PACS2: variants seen among roughly 807,000 people sequenced by gnomAD.
PACS2 encodes phosphofurin acidic cluster sorting protein 2.
A neutral mutation model predicts 113.0 loss-of-function variants in PACS2; 36 were observed. That is an observed-to-expected ratio of 0.32 (90% confidence interval 0.24 to 0.42). PACS2 has a LOEUF of 0.42. Among genes scored for constraint, PACS2 ranks in the 10% least tolerant of loss-of-function variants. PACS2 has a pLI of 1.00. For synonymous variants in PACS2, 589 were observed against 536.1 expected (o/e 1.10, Z -1.36); for missense variants, 1,015 against 1,239.5 (o/e 0.82, Z 2.72).
Position 105,340,898 on chromosome 14 carries a change from C to G in PACS2, c.120-7595C>G, listed in dbSNP as rs1341812404. Among the ~76,000 whole-genome samples, 1 of 152,246 alleles carries G rather than the reference C, an allele frequency of 6.6e-6. No individual in the cohort carries two copies. The highest frequency in any genetic ancestry group is 1.5e-5 in the Non-Finnish European group (1 of 68,032). ...AGGGCCTGCTGCCTCTGCTCAGGGC[C>G]CCTAGTGGGGCTGCTTGCTCAGCAC... On this transcript the variant is annotated intron_variant, in intron 1 of 24. Transcript: ENST00000447393. This position sits in a 1 kb window ranked among gnomAD's most constrained non-coding sequence, Gnocchi z 4.2.
In PACS2 at chr14:105,384,901, G is replaced by C; in HGVS notation, c.1914G>C (p.Val638=). The change falls in exon 18 of 25, where the codon GTG becomes GTC. Residue 638 remains valine, a synonymous_variant. Coordinates refer to ENST00000447393, the MANE Select transcript of PACS2 (RefSeq NM_001100913.3). ...QSAVQDTPDI[V]SRITQYIAGA... ...CAGTACAGGACACGCCAGACATTGT[G>C]TCACGCATCACGCAGTACATCGCAG... 1 of 1,595,000 alleles carries C rather than the reference G, an allele frequency of 6.3e-7. No homozygotes were observed. Among genetic ancestry groups the C allele is most frequent in the Non-Finnish European group, 8.5e-7 (1 of 1,170,646 alleles).
intron 24 of PACS2, 100 bp downstream of exon 24, chr14:105,393,435 T>C: frequency 2.9e-5 from 20 of 692,220 alleles, no homozygotes; most frequent in Non-Finnish European, 3.9e-5. Flanking sequence ...TGTCTCGCTG[T>C]GACACGCACA....
chr14:105,312,017 C>A (rs2056585442), upstream of PACS2, among the ~76,000 whole-genome samples: 1 of 152,240 alleles, frequency 6.6e-6, no homozygotes, highest in South Asian at 2.1e-4. Flanking sequence ...GCGCTGTGGG[C>A]TGGAGCCGCC....
intron 4 of PACS2, among the ~76,000 whole-genome samples, chr14:105,364,392 G>A (rs2060860512): frequency 8.0e-6 from 1 of 124,888 alleles, no homozygotes; most frequent in Non-Finnish European, 1.6e-5. Flanking sequence ...TGCGCGGTGG[G>A]CGGTGTCCCG....
Position 105,330,318 on chromosome 14 carries a change from T to A in PACS2, c.119+15281T>A, listed in dbSNP as rs587755785. On this transcript the variant is annotated intron_variant, in intron 1 of 24. Transcript: ENST00000447393. This position sits in a 1 kb window ranked among gnomAD's most constrained non-coding sequence, Gnocchi z 6.9. ...CTCCGAGAAGCCTGGGGTCCGTGTG[T>A]GGGAAGGAACGGGGACAGGAGCCTC... Among the ~76,000 whole-genome samples, 10 of 135,754 alleles carry A rather than the reference T, an allele frequency of 7.4e-5. No homozygotes were observed. Among genetic ancestry groups the A allele is most frequent in the African/African-American group, 2.3e-4 (8 of 34,764 alleles). The allele number at this position is 135,754 out of a possible 152,430, so 89.1% of individuals were successfully genotyped here.
chr14:105,349,807 C>T (rs587609568), intron 2 of PACS2, among the ~76,000 whole-genome samples: 2 of 152,234 alleles, frequency 1.3e-5, no homozygotes, highest in East Asian at 3.9e-4. Context: ...GAGCGTGTGG[C>T]TAATAGCAGG....
intron 4 of PACS2, among the ~76,000 whole-genome samples, chr14:105,362,414 C>G (rs1374922270): frequency 7.4e-6 from 1 of 134,464 alleles, no homozygotes; most frequent in African/African-American, 3.2e-5. Flanking sequence ...GAGACTCCGT[C>G]TCAAAAAAAA....
At chr14:105,342,587 G>A (rs2059774828) in intron 1 of PACS2, among the ~76,000 whole-genome samples, 1 of 152,002 alleles carries the variant, frequency 6.6e-6, no homozygotes, top group South Asian at 2.1e-4. Flanking sequence ...CTTGTTTGCA[G>A]TTGGTTGGTG....
At chr14:105,326,975 C>A (rs140760645) in intron 1 of PACS2, among the ~76,000 whole-genome samples, 1 of 152,220 alleles carries the variant, frequency 6.6e-6, no homozygotes, top group African/African-American at 2.4e-5. Flanking sequence ...AAGGTTGTCG[C>A]GCCTTGGAAA....
upstream of PACS2, among the ~76,000 whole-genome samples, chr14:105,309,935 G>A (rs930730149): frequency 4.0e-5 from 6 of 151,524 alleles, no homozygotes; most frequent in Non-Finnish European, 8.8e-5. This position sits in a 1 kb window ranked among gnomAD's most constrained non-coding sequence, Gnocchi z 4.0. Context: ...ACAGGCGCCC[G>A]CCACCACACC....
In PACS2 at chr14:105,356,536, G is replaced by A. The variant is rs587661149; in HGVS notation, c.423+1359G>A. Among the ~76,000 whole-genome samples the A allele has an allele frequency of 1.1e-3, 168 of 152,302 alleles. No individual in the cohort carries two copies. The highest frequency in any genetic ancestry group is 0.01 in the Middle Eastern group (3 of 294). ...CCCTCCTGCAGGCTGAGCGATGGGT[G>A]AACAGGTAGCTCAGGGATGCTCTCT... On this transcript the variant is annotated intron_variant, in intron 4 of 24. Transcript: ENST00000447393. This position sits in a 1 kb window ranked among gnomAD's most constrained non-coding sequence, Gnocchi z 4.0.
intron 3 of PACS2, among the ~76,000 whole-genome samples, chr14:105,352,989 G>A (rs1317880194): frequency 7.4e-6 from 1 of 134,812 alleles, no homozygotes; most frequent in Non-Finnish European, 1.6e-5. Flanking sequence ...TGTCCCCTGG[G>A]GTGACGGGCC....
chr14:105,367,387 G>A lies in PACS2; in HGVS notation c.586+12G>A. ...GGCCAAGTCCACGGGTGAGTGTGGT[G>A]CCAGCCCGCTCCTGCCCCTGCTGTG... On this transcript the variant is annotated intron_variant, in intron 5 of 24. Coordinates refer to ENST00000447393, the MANE Select transcript of PACS2 (RefSeq NM_001100913.3). 6.2e-7 allele frequency: 1 copy of A among 1,610,964 alleles called. No homozygotes were observed. Among genetic ancestry groups the A allele is most frequent in the Non-Finnish European group, 8.5e-7 (1 of 1,178,256 alleles).
At chr14:105,392,393 C>G (rs1347705918) in intron 22 of PACS2, 4 of 570,026 alleles carry the variant, frequency 7.0e-6, no homozygotes, top group African/African-American at 5.6e-5. Flanking sequence ...CCTCCCAGGC[C>G]GAGGCTCTCC....
chr14:105,302,943 C>G (rs1595509852), intron 1 of PACS2, among the ~76,000 whole-genome samples: 1 of 146,730 alleles, frequency 6.8e-6, no homozygotes, highest in Non-Finnish European at 1.5e-5. Flanking sequence ...TTCTCTAGTT[C>G]TTTTTTTTTT....
intron 1 of PACS2, among the ~76,000 whole-genome samples, chr14:105,341,610 C>T (rs890897175): frequency 6.6e-6 from 1 of 152,196 alleles, no homozygotes; most frequent in African/African-American, 2.4e-5. Context: ...ACCTTTAGGC[C>T]TCGCTCTCAG....
At chr14:105,325,443 C>T (rs1439626243) in intron 1 of PACS2, among the ~76,000 whole-genome samples, 1 of 152,174 alleles carries the variant, frequency 6.6e-6, no homozygotes, top group Non-Finnish European at 1.5e-5. Flanking sequence ...TTGGGATCCA[C>T]GGGCTTGAGG....
Position 105,391,699 on chromosome 14 carries a change from G to A in PACS2, c.2188G>A (p.Ala730Thr), listed in dbSNP as rs1342459526. Residue 730 changes from alanine to threonine, a missense_variant, in exon 22 of 25, where the codon GCG (alanine) becomes ACG (threonine). This residue lies in a region of PACS2 where 859 missense variants were observed against 1,056.8 expected (regional missense o/e 0.81). Transcript: ENST00000447393. ...LSSTPPSASP[A>T]AKEASPTPPS... ...CTCCACCCCGCCGTCCGCATCTCCTGCGGCCAAGGAGGCCTCACCCACCCC... is the reference window on the plus strand; with the variant it reads ...CTCCACCCCGCCGTCCGCATCTCCTACGGCCAAGGAGGCCTCACCCACCCC... 5 of 1,606,280 alleles carry A rather than the reference G, an allele frequency of 3.1e-6. No individual in the cohort carries two copies. In the Admixed American group the frequency reaches 6.7e-5, roughly 22 times the overall value.
intron 1 of PACS2, among the ~76,000 whole-genome samples, chr14:105,337,508 C>T (rs1318344216): frequency 9.2e-5 from 14 of 152,252 alleles, no homozygotes; most frequent in African/African-American, 3.4e-4. Flanking sequence ...AAGGCTGTCA[C>T]CGTTTACCTT....
Sources: gnomAD v4.1 joint callset for allele counts (sites outside exome capture counted in the v4.1 genomes callset) on GRCh38, gnomAD v4.1.1 for gene constraint, gnomAD v4.1.1 regional missense constraint, Gnocchi (gnomAD v3.1) non-coding constraint, MANE v1.5 for transcripts, NCBI Gene and HGNC (gene_info 2026-07-23, HGNC 2026-07-21) for gene names.